VAPB: variants seen among roughly 807,000 people sequenced by gnomAD.
The protein encoded by VAPB is vesicle-associated membrane protein-associated protein B/C.
A neutral mutation model predicts 25.6 loss-of-function variants in VAPB; 7 were observed. The ratio of observed to expected loss-of-function variants is 0.27; its 90% CI spans 0.16 to 0.51. The LOEUF (loss-of-function observed/expected upper bound fraction) is 0.51, where lower values mean the gene tolerates loss of function less well. VAPB is among the 20% of genes least tolerant of loss of function. The probability of loss-of-function intolerance (pLI) is 0.97; values close to 1 mark genes in which losing one functional copy is unlikely to be tolerated. For missense variants in VAPB, 266 were observed against 301.3 expected, an observed-to-expected ratio of 0.88 and a Z score of 0.87; for synonymous variants, 112 against 109.2, an observed-to-expected ratio of 1.03 and a Z score of -0.16.
At chr20:58,421,630 C>T (rs942960184) in intron 2 of VAPB, among the ~76,000 whole-genome samples, 1 of 151,908 alleles carries the variant, frequency 6.6e-6, no homozygotes, top group Non-Finnish European at 1.5e-5. Context: ...TTCTGAAAAC[C>T]CTTGGAATGC....
intron 2 of VAPB, among the ~76,000 whole-genome samples, chr20:58,420,228 G>A (rs1234363063): frequency 2.0e-5 from 3 of 152,226 alleles, no homozygotes; most frequent in East Asian, 1.9e-4. Context: ...CAAGTGATCC[G>A]CCTGCCTCGG....
chr20:58,429,315 C>T (rs1041130614), intron 2 of VAPB, among the ~76,000 whole-genome samples: 1 of 152,202 alleles, frequency 6.6e-6, no homozygotes, highest in Non-Finnish European at 1.5e-5. Context: ...TATATCTCCT[C>T]AGTCCTCCGC....
intron 1 of VAPB, among the ~76,000 whole-genome samples, chr20:58,415,874 G>A (rs375463398): frequency 4.7e-4 from 72 of 152,114 alleles, no homozygotes; most frequent in African/African-American, 1.7e-3. Flanking sequence ...ACACTAACAT[G>A]GTTTATTTTC....
At position 58,444,797 on chromosome 20, in the gene VAPB, C is replaced by G. The variant is rs768712138; in HGVS notation, c.*562C>G. The G allele has an allele frequency of 1.1e-5, 5 of 454,434 alleles. No individual in the cohort carries two copies. The highest frequency in any genetic ancestry group is 4.0e-5 in the African/African-American group (2 of 50,008). 28.2% of individuals were successfully genotyped at this position (454,434 alleles called of 1,614,324 possible). A position where few individuals can be genotyped will look rare whatever the true frequency, so the allele number is the denominator to read the frequency against. ...GCACTGTGGCAGCATCAGACGTACT[C>G]GTCATAAGTGAGAGGCGTGTGTTGA... On this transcript the variant is annotated 3_prime_UTR_variant, in exon 6 of 6. Coordinates refer to ENST00000475243, the MANE Select transcript of VAPB (RefSeq NM_004738.5).
At chr20:58,414,186 A>C (rs1348007555) in intron 1 of VAPB, among the ~76,000 whole-genome samples, 11 of 73,238 alleles carry the variant, frequency 1.5e-4, no homozygotes, top group African/African-American at 2.2e-4. Flanking sequence ...CTGACCCCCC[A>C]CCTCCCTCCC....
chr20:58,446,236 G>A lies in VAPB; in HGVS notation c.*2001G>A, dbSNP rs1441583128. On this transcript the variant is annotated 3_prime_UTR_variant, in exon 6 of 6. Coordinates refer to ENST00000475243, the MANE Select transcript of VAPB (RefSeq NM_004738.5). ...TGTCCCCCAGTACTTATAAAAGGGA[G>A]TGAAAAGACCGAGCTGTAAGGCATG... 8.8e-6 allele frequency: 4 copies of A among 453,998 alleles called. No homozygotes were observed. Among genetic ancestry groups the A allele is most frequent in the African/African-American group, 8.0e-5 (4 of 49,996 alleles). 28.1% of individuals were successfully genotyped at this position (453,998 alleles called of 1,614,324 possible).
intron 3 of VAPB, among the ~76,000 whole-genome samples, chr20:58,437,425 C>T (rs1053876888): frequency 1.3e-5 from 2 of 152,042 alleles, no homozygotes; most frequent in Non-Finnish European, 2.9e-5. Context: ...CAGGTTGTTC[C>T]GCTGTTGGTG....
intron 1 of VAPB, among the ~76,000 whole-genome samples, chr20:58,403,598 A>G (rs1490368175): frequency 6.6e-6 from 1 of 152,072 alleles, no homozygotes; most frequent in Non-Finnish European, 1.5e-5. Context: ...CCACCTCTTT[A>G]TCATCTCTTT....
In VAPB at chr20:58,441,343, A is replaced by C. The variant is rs79607865; in HGVS notation, c.573+260A>C. Reference sequence around the variant, plus strand: ...AGCTCTTGTCCCCTTAAAAAAAAAAACAAAAACAAAAAACTTGGCCGGGTG... The same window carrying C: ...AGCTCTTGTCCCCTTAAAAAAAAAACCAAAAACAAAAAACTTGGCCGGGTG... On this transcript the variant is annotated intron_variant, in intron 5 of 5. Coordinates refer to ENST00000475243, the MANE Select transcript of VAPB (RefSeq NM_004738.5). 2.4e-3 allele frequency among the ~76,000 whole-genome samples: 362 copies of C among 152,096 alleles called. 2 individuals carry two copies. Among genetic ancestry groups the C allele is most frequent in the Non-Finnish European group, 3.9e-3 (268 of 67,990 alleles).
chr20:58,417,998 C>T (rs1217860663), intron 1 of VAPB, among the ~76,000 whole-genome samples: 1 of 152,194 alleles, frequency 6.6e-6, no homozygotes, highest in Non-Finnish European at 1.5e-5. Context: ...AGAACACTTA[C>T]ACTAGGTACC....
At chr20:58,397,542 C>T (rs1439224821) in intron 1 of VAPB, among the ~76,000 whole-genome samples, 1 of 149,672 alleles carries the variant, frequency 6.7e-6, no homozygotes, top group Non-Finnish European at 1.5e-5. Flanking sequence ...AAACAAAACA[C>T]ATTAACTTGT....
rs367775205 is a variant in VAPB at position 58,440,870 on chromosome 20, G to T, written c.397-37G>T. ...GCATAAAAAAGTCCATTATTACATG[G>T]TCGGTGACACTTAGGCTTTCATTTG... On this transcript the variant is annotated intron_variant, in intron 4 of 5. Transcript: ENST00000475243. The T allele has an allele frequency of 1.9e-4, 306 of 1,602,588 alleles. No homozygotes were observed. The African/African-American group carries it at 3.6e-3, about 19-fold the overall frequency.
chr20:58,421,521 GCCA>G (rs1218450107), intron 2 of VAPB, among the ~76,000 whole-genome samples: 4 of 152,110 alleles, frequency 2.6e-5, no homozygotes, highest in Non-Finnish European at 5.9e-5. Flanking sequence ...TAAAAAGGTG[GCCA>G]CCACATCAGC....
rs1365615302 is a variant in VAPB at position 58,389,447 on chromosome 20, G to C, written c.-13G>C. ...GGGGTCTCCCCGCCAAAGGTGCTCC[G>C]CCGCTAAGGAACATGGCGAAGGTGG... is the stretch of plus-strand genomic sequence containing the variant. On this transcript the variant is annotated 5_prime_UTR_variant, in exon 1 of 6. Coordinates refer to ENST00000475243, the MANE Select transcript of VAPB (RefSeq NM_004738.5). The C allele has an allele frequency of 2.0e-5, 31 of 1,589,628 alleles. No homozygotes were observed. Among genetic ancestry groups the C allele is most frequent in the Non-Finnish European group, 2.6e-5 (30 of 1,168,588 alleles).
At chr20:58,390,603 G>T (rs1987771368) in intron 1 of VAPB, among the ~76,000 whole-genome samples, 1 of 152,122 alleles carries the variant, frequency 6.6e-6, no homozygotes, top group South Asian at 2.1e-4. Flanking sequence ...TGCTGTGTAG[G>T]AAATGGAACA....
At chr20:58,393,505 G>A (rs56140076) in intron 1 of VAPB, among the ~76,000 whole-genome samples, 9,546 of 152,200 alleles carry the variant, frequency 0.063, 344 homozygotes, top group Non-Finnish European at 0.074. Flanking sequence ...CTTTCCGAAT[G>A]AGTCACTTTC....
chr20:58,395,216 A>G (rs1156895082), intron 1 of VAPB, among the ~76,000 whole-genome samples: 1 of 142,930 alleles, frequency 7.0e-6, no homozygotes, highest in Non-Finnish European at 1.5e-5. Context: ...CAATGGCACT[A>G]TCTCGGCTCA....
intron 5 of VAPB, among the ~76,000 whole-genome samples, chr20:58,441,894 GT>G (rs1484545982): frequency 2.0e-5 from 3 of 152,320 alleles, no homozygotes; most frequent in Non-Finnish European, 4.4e-5. Context: ...GAGCTTGGAG[GT>G]GGGGTGCCTC....
rs192548683 is a variant in VAPB, at chr20:58,435,197, A to C, written c.315+492A>C. Among the ~76,000 whole-genome samples the C allele has an allele frequency of 4.6e-5, 7 of 152,222 alleles. No homozygotes were observed. The East Asian group carries it at 1.4e-3, about 29-fold the overall frequency. Reference sequence around the variant, plus strand: ...TGCTTATTTATTTTCCCCCCTGCTTAAATCTATGTTTAACTTTTCTCTAAT... The same window carrying C: ...TGCTTATTTATTTTCCCCCCTGCTTCAATCTATGTTTAACTTTTCTCTAAT... On this transcript the variant is annotated intron_variant, in intron 3 of 5. Transcript: ENST00000475243.
Sources: gnomAD v4.1 joint callset for allele counts (sites outside exome capture counted in the v4.1 genomes callset) on GRCh38, gnomAD v4.1.1 for gene constraint, MANE v1.5 for transcripts, NCBI Gene and HGNC (gene_info 2026-07-23, HGNC 2026-07-21) for gene names.